APP: variants seen among roughly 807,000 people sequenced by gnomAD.
APP encodes the protein amyloid-beta precursor protein.
A neutral mutation model predicts 101.4 loss-of-function variants in APP; 31 were observed. The observed-to-expected ratio is 0.31, with a 90% confidence interval of 0.23 to 0.41. The LOEUF (loss-of-function observed/expected upper bound fraction) is 0.41. Ranked by LOEUF, APP falls within the 10% of genes least tolerant of loss-of-function variation. APP has a pLI of 1.00. For synonymous variants in APP, 366 were observed against 364.4 expected (o/e 1.00, Z -0.05); for missense variants, 839 against 1,003.7 (o/e 0.84, Z 2.22).
chr21:26,025,311 TCTTA>T (rs1364047766), intron 5 of APP, among the ~76,000 whole-genome samples: 1 of 152,226 alleles, frequency 6.6e-6, no homozygotes, highest in Non-Finnish European at 1.5e-5. Flanking sequence ...GTTTGAGATC[TCTTA>T]CTTATTCAAT....
chr21:25,988,594 C>T (rs1353857776), intron 8 of APP, among the ~76,000 whole-genome samples: 3 of 149,632 alleles, frequency 2.0e-5, no homozygotes, highest in Non-Finnish European at 3.0e-5. Context: ...CCCAGCTACT[C>T]GGGAGGCTGA....
At chr21:26,136,749 GA>G (rs879622740) in intron 1 of APP, among the ~76,000 whole-genome samples, 68 of 143,360 alleles carry the variant, frequency 4.7e-4, no homozygotes, top group South Asian at 6.6e-4. Flanking sequence ...TTTAGAAGAA[GA>G]AAAAAAAAAA....
intron 11 of APP, among the ~76,000 whole-genome samples, chr21:25,957,976 C>T (rs2041396793): frequency 6.6e-6 from 1 of 152,008 alleles, no homozygotes; most frequent in Admixed American, 6.5e-5. Context: ...AGAATAACTG[C>T]CTGTCTTTTA....
chr21:26,133,715 T>C (rs2062840819), intron 1 of APP, among the ~76,000 whole-genome samples: 1 of 152,030 alleles, frequency 6.6e-6, no homozygotes, highest in Non-Finnish European at 1.5e-5. Flanking sequence ...GAGGTTGCAG[T>C]GAGCCGAGAT....
chr21:25,947,549 A>C (rs1381471543), intron 13 of APP, among the ~76,000 whole-genome samples: 2 of 152,232 alleles, frequency 1.3e-5, no homozygotes, highest in Non-Finnish European at 2.9e-5. Flanking sequence ...ATTTTGAAAG[A>C]GAAATTGTCT....
chr21:26,127,454 T>C (rs1436996267), intron 1 of APP, among the ~76,000 whole-genome samples: 1 of 152,182 alleles, frequency 6.6e-6, no homozygotes, highest in African/African-American at 2.4e-5. Flanking sequence ...GTTACATAAA[T>C]CAAAAGCCCT....
rs200365080 is a variant in APP, at chr21:26,011,075, T to A, written c.865+10765A>T. On this transcript the variant is annotated intron_variant, in intron 6 of 17. Transcript: ENST00000346798. Reference sequence around the variant, plus strand: ...GGTATTTCTCTGTTCACTTTTTTATTTTTATTTATTTATTTTTGAGACGGC... The same window carrying A: ...GGTATTTCTCTGTTCACTTTTTTATATTTATTTATTTATTTTTGAGACGGC... Among the ~76,000 whole-genome samples the A allele has an allele frequency of 4.0e-3, 605 of 151,984 alleles. 12 individuals carry two copies. The East Asian group carries it at 0.058, about 15-fold the overall frequency.
intron 6 of APP, chr21:26,009,584 T>A (rs1266426372): frequency 1.0e-5 from 1 of 99,594 alleles, no homozygotes; most frequent in Non-Finnish European, 2.6e-5. Flanking sequence ...ACTTCCTTTT[T>A]CTTTTCTTTT....
At chr21:25,914,464 G>C (rs1373242402) in intron 13 of APP, among the ~76,000 whole-genome samples, 2 of 147,264 alleles carry the variant, frequency 1.4e-5, no homozygotes, top group African/African-American at 5.0e-5. Flanking sequence ...AAAAGGGCTA[G>C]AGGAAACCAG....
chr21:26,125,179 C>T (rs1378862934), intron 1 of APP, among the ~76,000 whole-genome samples: 2 of 152,152 alleles, frequency 1.3e-5, no homozygotes, highest in South Asian at 2.1e-4. Flanking sequence ...TTGTAATAAA[C>T]GTGTGAAGTC....
intron 9 of APP, among the ~76,000 whole-genome samples, chr21:25,977,221 A>G (rs2042256953): frequency 6.6e-6 from 1 of 152,218 alleles, no homozygotes; most frequent in Non-Finnish European, 1.5e-5. Flanking sequence ...GCACCTCTGT[A>G]TGTTGTTCAA....
intron 1 of APP, among the ~76,000 whole-genome samples, chr21:26,152,178 G>A (rs1377913317): frequency 6.6e-6 from 1 of 150,990 alleles, no homozygotes; most frequent in Non-Finnish European, 1.5e-5. Flanking sequence ...CCAGCTACTC[G>A]GGAGGCTGAG....
At chr21:25,977,866 T>A (rs949345679) in intron 9 of APP, among the ~76,000 whole-genome samples, 1 of 152,226 alleles carries the variant, frequency 6.6e-6, no homozygotes, top group African/African-American at 2.4e-5. Flanking sequence ...TGGAAGACCA[T>A]CTTTGCTTTA....
intron 1 of APP, among the ~76,000 whole-genome samples, chr21:26,131,248 TAAATA>T (rs1430515732): frequency 6.6e-6 from 1 of 151,222 alleles, no homozygotes; most frequent in African/African-American, 2.4e-5. Flanking sequence ...AATAAATAAA[TAAATA>T]AATTAATTAA....
intron 6 of APP, among the ~76,000 whole-genome samples, chr21:26,014,152 T>C (rs2043947320): frequency 6.6e-6 from 1 of 152,230 alleles, no homozygotes; most frequent in African/African-American, 2.4e-5. Context: ...GTTTCATTTT[T>C]GTACAGCATG....
chr21:25,884,564 TGA>T (rs1193778786), intron 17 of APP, among the ~76,000 whole-genome samples: 1 of 151,176 alleles, frequency 6.6e-6, no homozygotes, highest in African/African-American at 2.5e-5. Context: ...GCACCAATAA[TGA>T]GAGATTTCAT....
chr21:25,924,883 A>AG (rs2039816552), intron 13 of APP, among the ~76,000 whole-genome samples: 1 of 149,604 alleles, frequency 6.7e-6, no homozygotes, highest in Admixed American at 6.7e-5. Context: ...TGCTATTACT[A>AG]TTTTCTTTCC....
At chr21:25,885,657 C>T (rs1217074234) in intron 17 of APP, among the ~76,000 whole-genome samples, 3 of 152,180 alleles carry the variant, frequency 2.0e-5, no homozygotes, top group Non-Finnish European at 4.4e-5. Flanking sequence ...TGCATGGTGG[C>T]ATGGCTTCAA....
chr21:26,123,732 C>T (rs1475694516), intron 1 of APP, among the ~76,000 whole-genome samples: 2 of 151,950 alleles, frequency 1.3e-5, no homozygotes, highest in Non-Finnish European at 2.9e-5. Flanking sequence ...AAATTGTTGC[C>T]GAAAGAACAG....
Sources: gnomAD v4.1 joint callset for allele counts (sites outside exome capture counted in the v4.1 genomes callset) on GRCh38, gnomAD v4.1.1 for gene constraint, MANE v1.5 for transcripts, NCBI Gene and HGNC (gene_info 2026-07-23, HGNC 2026-07-21) for gene names.